Variants in SLC38A4 observed in about 807,000 individuals in gnomAD.
SLC38A4 encodes the protein solute carrier family 38 member 4, also known as sodium-coupled neutral amino acid transporter 4.
In SLC38A4, 20 loss-of-function variants were observed where a neutral mutation model predicts 63.1. That is an observed-to-expected ratio of 0.32 (90% CI 0.22 to 0.46). The LOEUF (loss-of-function observed/expected upper bound fraction) is 0.46. Among genes scored for constraint, SLC38A4 ranks in the 20% least tolerant of loss-of-function variants. The pLI, the probability that SLC38A4 is intolerant of heterozygous loss-of-function variation, is 1.00. For synonymous variants in SLC38A4, 230 were observed against 225.5 expected, an observed-to-expected ratio of 1.02 and a Z score of -0.18; for missense variants, 526 against 663.6, an observed-to-expected ratio of 0.79 and a Z score of 2.28.
At chr12:46,782,999 G>C (rs1201505135) in intron 7 of SLC38A4, among the ~76,000 whole-genome samples, 3 of 123,744 alleles carry the variant, frequency 2.4e-5, no homozygotes, top group Non-Finnish European at 5.1e-5. Flanking sequence ...AATAGACCAG[G>C]TGAGCAGAGT....
intron 1 of SLC38A4, among the ~76,000 whole-genome samples, chr12:46,808,764 A>G (rs1024319458): frequency 2.6e-5 from 4 of 152,094 alleles, no homozygotes; most frequent in African/African-American, 9.7e-5. Flanking sequence ...ATGTTAAATT[A>G]GAACTTTTAG....
intron 1 of SLC38A4, among the ~76,000 whole-genome samples, chr12:46,817,367 T>A (rs1448531384): frequency 7.5e-6 from 1 of 132,538 alleles, no homozygotes; most frequent in Admixed American, 7.7e-5. Flanking sequence ...GCTTGCTAAC[T>A]CCCAGTGTTG....
At position 46,778,599 on chromosome 12, in the gene SLC38A4, C is replaced by T; in HGVS notation, c.895G>A (p.Glu299Lys). Reference protein sequence around the residue: ...YTHRNPAGLDENQAKGSLHDS... With the variant: ...YTHRNPAGLDKNQAKGSLHDS... ...TGAAGAGAGCCCTTGGCCTGGTTCTCATCCAGCCCTGCAGGATTGCGGTGG... is the reference window on the plus strand; with the variant it reads ...TGAAGAGAGCCCTTGGCCTGGTTCTTATCCAGCCCTGCAGGATTGCGGTGG... Residue 299 changes from glutamate (E) to lysine (K), a missense_variant, in exon 11 of 17, where the codon GAG becomes AAG. Physicochemically the swap from Glu to Lys is moderately conservative, Grantham distance 56. Transcript: ENST00000266579. 1 of 1,613,094 alleles carries T rather than the reference C, an allele frequency of 6.2e-7. No homozygotes were observed.
chr12:46,821,724 A>G (rs533714245), intron 1 of SLC38A4, among the ~76,000 whole-genome samples: 2 of 152,236 alleles, frequency 1.3e-5, no homozygotes, highest in South Asian at 4.1e-4. Context: ...CTATTTCTGT[A>G]AAAAATGCCA....
intron 1 of SLC38A4, among the ~76,000 whole-genome samples, chr12:46,819,766 A>G (rs1361449564): frequency 1.3e-5 from 2 of 151,956 alleles, no homozygotes; most frequent in Non-Finnish European, 2.9e-5. Context: ...AAATTTCCCA[A>G]TTGAAAAGAT....
rs142371611 is a variant in SLC38A4, at chr12:46,794,390, C to T, written c.-112-1207G>A. Among the ~76,000 whole-genome samples the T allele has an allele frequency of 1.1e-3, 172 of 151,814 alleles. 1 individual carries two copies. Among genetic ancestry groups the T allele is most frequent in the African/African-American group, 4.0e-3 (164 of 41,476 alleles). ...ATCTAAGGAACTACAAATAACAAAGCAATTTAAAAGGGACTTTTACATTAA... is the reference window on the plus strand; with the variant it reads ...ATCTAAGGAACTACAAATAACAAAGTAATTTAAAAGGGACTTTTACATTAA... On this transcript the variant is annotated intron_variant, in intron 2 of 16. Coordinates refer to ENST00000266579, the MANE Select transcript of SLC38A4 (RefSeq NM_018018.5).
intron 5 of SLC38A4, 28 bp from the exon 6 acceptor site, chr12:46,785,205 A>C: frequency 6.6e-7 from 1 of 1,524,770 alleles, no homozygotes; most frequent in Non-Finnish European, 9.1e-7. Flanking sequence ...AGTAGGTAAT[A>C]AAGTTTCTAC....
chr12:46,795,830 A>T (rs1019426201), intron 2 of SLC38A4, among the ~76,000 whole-genome samples: 1 of 151,918 alleles, frequency 6.6e-6, no homozygotes, highest in Non-Finnish European at 1.5e-5. Flanking sequence ...TTTTCTGAGG[A>T]TTTCAGAATT....
intron 2 of SLC38A4, among the ~76,000 whole-genome samples, chr12:46,796,106 C>T (rs904014176): frequency 3.1e-4 from 47 of 152,038 alleles, no homozygotes; most frequent in African/African-American, 1.1e-3. Flanking sequence ...TCTTACTGCT[C>T]GATGTTCAGG....
intron 15 of SLC38A4, 144 bp from the exon 16 acceptor site, chr12:46,768,551 A>C (rs2120734086): frequency 1.4e-4 from 70 of 487,954 alleles, no homozygotes; most frequent in Middle Eastern, 2.9e-4. Context: ...ACATAAGCTC[A>C]TCTTGGTTAT....
chr12:46,806,969 C>T (rs190881593), intron 1 of SLC38A4, among the ~76,000 whole-genome samples: 69 of 151,630 alleles, frequency 4.6e-4, no homozygotes, highest in Admixed American at 3.9e-4. Flanking sequence ...AAAGTTCCAG[C>T]GGGATCAAGT....
intron 5 of SLC38A4, among the ~76,000 whole-genome samples, chr12:46,785,676 G>A (rs1272438119): frequency 6.6e-6 from 1 of 151,720 alleles, no homozygotes; most frequent in Admixed American, 6.6e-5. Flanking sequence ...AAGATAGAGG[G>A]GCAGGCAGTT....
intron 1 of SLC38A4, among the ~76,000 whole-genome samples, chr12:46,821,731 G>T (rs1237338813): frequency 6.6e-6 from 1 of 152,066 alleles, no homozygotes; most frequent in African/African-American, 2.4e-5. Context: ...TGTAAAAAAT[G>T]CCATTGGGAT....
intron 3 of SLC38A4, among the ~76,000 whole-genome samples, chr12:46,790,391 T>C (rs1938859287): frequency 6.6e-6 from 1 of 152,154 alleles, no homozygotes; most frequent in Admixed American, 6.6e-5. Flanking sequence ...TTGTTGCCTC[T>C]TTCCATTTCC....
chr12:46,828,299 T>TA (rs768823151), upstream of SLC38A4, among the ~76,000 whole-genome samples: 3 of 152,162 alleles, frequency 2.0e-5, no homozygotes, highest in Non-Finnish European at 4.4e-5. Context: ...TCCTTTTTTT[T>TA]ATTTTTATTT....
intron 3 of SLC38A4, 88 bp downstream of exon 3, chr12:46,792,865 A>G: frequency 3.3e-6 from 3 of 903,018 alleles, no homozygotes; most frequent in Non-Finnish European, 5.4e-6. Flanking sequence ...ACCTGTAATA[A>G]ATCCAGTTCT....
At chr12:46,794,834 A>G (rs1938966914) in intron 2 of SLC38A4, among the ~76,000 whole-genome samples, 1 of 151,964 alleles carries the variant, frequency 6.6e-6, no homozygotes, top group Non-Finnish European at 1.5e-5. Context: ...AGCAGTTCTC[A>G]GAATTTAAAA....
chr12:46,795,449 C>A (rs1376070166), intron 2 of SLC38A4, among the ~76,000 whole-genome samples: 1 of 151,966 alleles, frequency 6.6e-6, no homozygotes, highest in African/African-American at 2.4e-5. Flanking sequence ...AAATATAATT[C>A]TATATTACCA....
At chr12:46,801,511 C>G (rs1939132209) in intron 2 of SLC38A4, among the ~76,000 whole-genome samples, 1 of 152,042 alleles carries the variant, frequency 6.6e-6, no homozygotes, top group Non-Finnish European at 1.5e-5. Flanking sequence ...GATTTCCCAG[C>G]ATTGCTATCT....
Sources: gnomAD v4.1 joint callset for allele counts (sites outside exome capture counted in the v4.1 genomes callset) on GRCh38, gnomAD v4.1.1 for gene constraint, MANE v1.5 for transcripts, NCBI Gene and HGNC (gene_info 2026-07-23, HGNC 2026-07-21) for gene names.